Variants in CCM2L observed in about 807,000 individuals in gnomAD.
CCM2L encodes the protein CCM2 like scaffold protein, also known as cerebral cavernous malformations 2 protein-like.
A neutral mutation model predicts 54.1 loss-of-function variants in CCM2L; 36 were observed. That is an observed-to-expected ratio of 0.67 (90% CI 0.51 to 0.88). The LOEUF is 0.88. CCM2L is among the 40% of genes least tolerant of loss of function. The pLI is 0.00. For synonymous variants in CCM2L, 351 were observed against 359.3 expected, an observed-to-expected ratio of 0.98 and a Z score of 0.26; for missense variants, 700 against 812.1, an observed-to-expected ratio of 0.86 and a Z score of 1.68.
chr20:32,019,650 C>T (rs2122339664), intron 5 of CCM2L, among the ~76,000 whole-genome samples: 1 of 152,276 alleles, frequency 6.6e-6, no homozygotes, highest in African/African-American at 2.4e-5. Flanking sequence ...ACCTCCAGCC[C>T]GTTCCTTCTC....
chr20:32,014,020 C>A (rs766373570), intron 1 of CCM2L, among the ~76,000 whole-genome samples: 50 of 152,096 alleles, frequency 3.3e-4, no homozygotes, highest in Non-Finnish European at 5.4e-4. Context: ...ATTCAGATGG[C>A]TGGTCTGGGC....
At chr20:32,022,840 A>G (rs370354985) in intron 6 of CCM2L, 45 bp downstream of exon 6, 84 of 1,603,344 alleles carry the variant, frequency 5.2e-5, no homozygotes, top group South Asian at 2.3e-4. Flanking sequence ...AAACATCCCA[A>G]AAAGGCCAGG....
At chr20:32,014,775 C>G in intron 1 of CCM2L, 129 bp from the exon 2 acceptor site, 1 of 872,904 alleles carries the variant, frequency 1.1e-6, no homozygotes, top group Admixed American at 2.9e-5. Flanking sequence ...TAAAATGGGA[C>G]TTACAGAGGT....
chr20:32,024,912 A>C (rs1223050464), intron 6 of CCM2L, among the ~76,000 whole-genome samples: 1 of 152,266 alleles, frequency 6.6e-6, no homozygotes, highest in Non-Finnish European at 1.5e-5. Context: ...AGCAACACTG[A>C]TCAGAGATCA....
Position 32,014,705 on chromosome 20 carries a change from C to T in CCM2L, c.31-199C>T, listed in dbSNP as rs183418409. ...TGCCCAAGGTGAACTACTGGTTCCA[C>T]CACTACTAGCTGGTGACTTTATCAG... On this transcript the variant is annotated intron_variant, in intron 1 of 9. Coordinates refer to ENST00000452892, the MANE Select transcript of CCM2L (RefSeq NM_001365692.1). Among the ~76,000 whole-genome samples the T allele has an allele frequency of 4.6e-5, 7 of 152,312 alleles. No individual in the cohort carries two copies. The East Asian group carries it at 1.2e-3, about 25-fold the overall frequency.
intron 7 of CCM2L, chr20:32,028,433 CAA>C (rs533694905): frequency 4.8e-4 from 52 of 107,624 alleles, no homozygotes; most frequent in African/African-American, 6.8e-4. Flanking sequence ...GAATCTGTCT[CAA>C]AAAAAAAAAA....
At position 32,030,267 on chromosome 20, in the gene CCM2L, C is replaced by T. The variant is rs2064908981; in HGVS notation, c.1402+429C>T. Among the ~76,000 whole-genome samples, 9 of 152,108 alleles carry T rather than the reference C, an allele frequency of 5.9e-5. No individual in the cohort carries two copies. The South Asian group carries it at 1.9e-3, about 32-fold the overall frequency. On this transcript the variant is annotated intron_variant, in intron 9 of 9. Coordinates refer to ENST00000452892, the MANE Select transcript of CCM2L (RefSeq NM_001365692.1). Reference sequence around the variant, plus strand: ...GTGCCAAGCATCATCTCATTAAATGCCCCCAGTTCTGAGAAGTAGATACTA... The same window carrying T: ...GTGCCAAGCATCATCTCATTAAATGTCCCCAGTTCTGAGAAGTAGATACTA...
intron 1 of CCM2L, among the ~76,000 whole-genome samples, chr20:32,013,956 G>A (rs1165243605): frequency 1.3e-5 from 2 of 152,050 alleles, no homozygotes; most frequent in Admixed American, 6.6e-5. Flanking sequence ...TGCTGGTCCA[G>A]GAATCTCATG....
chr20:32,031,430 C>A lies in CCM2L; in HGVS notation c.*116C>A. On this transcript the variant is annotated 3_prime_UTR_variant, in exon 10 of 10. Coordinates refer to ENST00000452892, the MANE Select transcript of CCM2L (RefSeq NM_001365692.1). ...ACCTGGCGGGGCCGGGGGGTCTTCA[C>A]TCCAGGGTCTCGCTCCCTGCCCTTG... 1 of 849,626 alleles carries A rather than the reference C, an allele frequency of 1.2e-6. No homozygotes were observed. Among genetic ancestry groups the A allele is most frequent in the Non-Finnish European group, 1.6e-6 (1 of 632,508 alleles). 52.6% of individuals were successfully genotyped at this position (849,626 alleles called of 1,614,324 possible).
chr20:32,019,037 G>T lies in CCM2L; in HGVS notation c.561G>T (p.Arg187=), dbSNP rs964127762. The T allele has an allele frequency of 2.3e-5, 30 of 1,318,988 alleles. No homozygotes were observed. The African/African-American group carries it at 4.5e-4, about 20-fold the overall frequency. 81.7% of individuals were successfully genotyped at this position (1,318,988 alleles called of 1,614,324 possible). The part of the protein sequence containing the change: ...PGPPGGAPEK[R]RVGTAERRHT... ...CGCCAGGCGGGGCGCCCGAGAAGCGGCGGGTGGGCACCGCGGAGCGGCGCC... is the reference window on the plus strand; with the variant it reads ...CGCCAGGCGGGGCGCCCGAGAAGCGTCGGGTGGGCACCGCGGAGCGGCGCC... Residue 187 remains arginine (R), a synonymous_variant, in exon 5 of 10, where the codon CGG becomes CGT. Transcript: ENST00000452892.
chr20:32,029,112 T>C lies in CCM2L; in HGVS notation c.1251T>C (p.Asp417=). The change falls in exon 8 of 10, where the codon GAT becomes GAC. Residue 417 remains aspartate, a synonymous_variant. Transcript: ENST00000452892. ...GTCTGGGCTTGGAGCAGTTACAGGA[T>C]TACATGGTCACGGTGAGCTGGGGCC... ...HSSLGLEQLQ[D]YMVTLRSKLG... 1 of 1,614,100 alleles carries C rather than the reference T, an allele frequency of 6.2e-7. No homozygotes were observed. Among genetic ancestry groups the C allele is most frequent in the Non-Finnish European group, 8.5e-7 (1 of 1,180,000 alleles).
chr20:32,014,962 G>A lies in CCM2L; in HGVS notation c.89G>A (p.Cys30Tyr). The A allele has an allele frequency of 6.9e-6, 11 of 1,601,594 alleles. No individual in the cohort carries two copies. The highest frequency in any genetic ancestry group is 9.4e-6 in the Non-Finnish European group (11 of 1,174,156). The change falls in exon 2 of 10, where the codon TGT becomes TAT. Residue 30 changes from cysteine to tyrosine, a missense_variant. Physicochemically the swap from Cys to Tyr is radical, Grantham distance 194. Transcript: ENST00000452892. ...VFPKAGRRAA[C>Y]RSSVSRRPLH... is the part of the protein sequence containing the mutation. ...CCCAAGGCCGGGCGCCGGGCAGCCT[G>A]TAGGAGCAGCGTGAGCCGCCGGCCC...
In CCM2L at chr20:32,019,256, G is replaced by A. The variant is rs538538318; in HGVS notation, c.780G>A (p.Ala260=). ...RHGGGGGGGG[A]GKPGGSWERR... ...GAGGCGGCGGCGGCGGCGGCGGCGC[G>A]GGAAAGCCGGGCGGTAGCTGGGAGC... is the stretch of plus-strand genomic sequence containing the variant. Residue 260 remains alanine, a synonymous_variant, in exon 5 of 10, where the codon GCG becomes GCA. Transcript: ENST00000452892. The A allele has an allele frequency of 5.6e-4, 671 of 1,205,836 alleles. 12 individuals are homozygous for A. The South Asian group carries it at 0.024, about 43-fold the overall frequency. The allele number at this position is 1,205,836 out of a possible 1,614,324, so 74.7% of individuals were successfully genotyped here. A position where few individuals can be genotyped will look rare whatever the true frequency, so the allele number is the denominator to read the frequency against.
chr20:32,013,391 T>A (rs1041776494), intron 1 of CCM2L, among the ~76,000 whole-genome samples: 1 of 152,076 alleles, frequency 6.6e-6, no homozygotes, highest in Non-Finnish European at 1.5e-5. Flanking sequence ...ACATCTGAAG[T>A]TTTAAAAGCT....
At chr20:32,022,257 A>G (rs1244848480) in intron 5 of CCM2L, among the ~76,000 whole-genome samples, 2 of 152,196 alleles carry the variant, frequency 1.3e-5, no homozygotes, top group Non-Finnish European at 1.5e-5. Context: ...TGAGCCTAAA[A>G]TTTTGATACA....
At chr20:32,011,403 G>A (rs374308335) in intron 1 of CCM2L, among the ~76,000 whole-genome samples, 16 of 152,024 alleles carry the variant, frequency 1.1e-4, no homozygotes, top group Non-Finnish European at 1.9e-4. Context: ...TCAGGGGTTC[G>A]AGACCAGCCA....
intron 5 of CCM2L, among the ~76,000 whole-genome samples, chr20:32,020,077 G>A (rs914168961): frequency 1.3e-5 from 2 of 152,154 alleles, no homozygotes; most frequent in African/African-American, 4.8e-5. Flanking sequence ...TCTGGGCTAG[G>A]CAATGGGCTA....
At chr20:32,013,628 T>G (rs541968028) in intron 1 of CCM2L, among the ~76,000 whole-genome samples, 24 of 152,108 alleles carry the variant, frequency 1.6e-4, no homozygotes, top group Non-Finnish European at 3.1e-4. Flanking sequence ...TTTGGCATAT[T>G]TTTTGTAGAG....
intron 9 of CCM2L, among the ~76,000 whole-genome samples, chr20:32,030,185 CTAA>C (rs1409492823): frequency 6.6e-6 from 1 of 152,118 alleles, no homozygotes; most frequent in African/African-American, 2.4e-5. Flanking sequence ...GTAAGGAGGG[CTAA>C]TAATAACAGG....
Sources: allele counts gnomAD v4.1 joint callset (sites outside exome capture counted in the v4.1 genomes callset), GRCh38; gene constraint gnomAD v4.1.1; transcripts MANE v1.5; gene names NCBI Gene and HGNC (gene_info 2026-07-23, HGNC 2026-07-21).